The following MSL2 variants were observed in gnomAD, a reference collection of about 807,000 sequenced individuals.
MSL2 encodes the protein MSL complex subunit 2.
In MSL2, 2 loss-of-function variants were observed where a neutral mutation model predicts 35.8. The ratio of observed to expected loss-of-function variants is 0.06; its 90% CI spans 0.02 to 0.18. MSL2 has a LOEUF of 0.18. Ranked by LOEUF, MSL2 falls within the 10% of genes least tolerant of loss-of-function variation. The pLI is 1.00. For missense variants in MSL2, 523 were observed against 706.7 expected (o/e 0.74, Z 2.95); for synonymous variants, 296 against 255.7 (o/e 1.16, Z -1.50).
chr3:136,195,599 CGCGGAGGCG>C lies in MSL2; in HGVS notation c.-495_-487del, dbSNP rs1940816644. On this transcript the variant is annotated 5_prime_UTR_variant, in exon 1 of 2. Coordinates refer to ENST00000309993, the MANE Select transcript of MSL2 (RefSeq NM_018133.4). ...CCTCTTACTCCATCCCAGTACAGGG[CGCGGAGGCG>C]GCGGCGACGGCAAGGACGACGGTCG... 20 of 986,486 alleles carry C rather than the reference CGCGGAGGCG, an allele frequency of 2.0e-5. No homozygotes were observed. The highest frequency in any genetic ancestry group is 2.4e-5 in the Non-Finnish European group (20 of 830,736). 61.1% of individuals were successfully genotyped at this position (986,486 alleles called of 1,614,324 possible).
intron 1 of MSL2, among the ~76,000 whole-genome samples, chr3:136,156,787 G>A (rs1424190762): frequency 3.3e-5 from 5 of 152,258 alleles, no homozygotes; most frequent in South Asian, 2.1e-4. Context: ...CCCAGGAGGC[G>A]GAGCTTGCAG....
chr3:136,151,583 G>A lies in MSL2; in HGVS notation c.1298C>T (p.Ala433Val). The A allele has an allele frequency of 1.9e-6, 3 of 1,614,100 alleles. No homozygotes were observed. Among genetic ancestry groups the A allele is most frequent in the Non-Finnish European group, 2.5e-6 (3 of 1,180,008 alleles). ...TKPGILKKDK[A>V]VKEKIPSHHF... ...ATGACTAGGAATCTTTTCCTTTACT[G>A]CTTTGTCTTTTTTAAGAATACCTGG... is the stretch of plus-strand genomic sequence containing the variant. The change falls in exon 2 of 2, where the codon GCA becomes GTA. Residue 433 changes from alanine to valine, a missense_variant. Physicochemically the swap from Ala to Val is moderately conservative, Grantham distance 64. Around this residue, in one of 5 missense-constraint regions of MSL2, gnomAD observed 361 missense variants for 414.6 expected, o/e 0.87. Coordinates refer to ENST00000309993, the MANE Select transcript of MSL2 (RefSeq NM_018133.4). The surrounding 1 kb of genome is among the most constrained non-coding windows in gnomAD (Gnocchi z 5.2).
chr3:136,169,086 C>T (rs1179143354), intron 1 of MSL2, among the ~76,000 whole-genome samples: 2 of 151,874 alleles, frequency 1.3e-5, no homozygotes, highest in Non-Finnish European at 1.5e-5. Flanking sequence ...TGACAAGAGG[C>T]GCACTTTATC....
At chr3:136,182,422 A>G (rs1282279057) in intron 1 of MSL2, among the ~76,000 whole-genome samples, 7 of 152,230 alleles carry the variant, frequency 4.6e-5, no homozygotes, top group Non-Finnish European at 7.3e-5. Flanking sequence ...ATATTGACGA[A>G]CAGGCGGCAC....
intron 1 of MSL2, among the ~76,000 whole-genome samples, chr3:136,156,713 G>A (rs1939537412): frequency 6.6e-6 from 1 of 152,126 alleles, no homozygotes; most frequent in African/African-American, 2.4e-5. Context: ...AAATTAGCCG[G>A]GCGTGGTGGC....
intron 1 of MSL2, among the ~76,000 whole-genome samples, chr3:136,160,218 G>C (rs1048663983): frequency 1.4e-5 from 2 of 145,414 alleles, no homozygotes; most frequent in South Asian, 4.6e-4. Flanking sequence ...AGAGGTTGCA[G>C]TGAGCCAAGA....
Position 136,185,350 on chromosome 3 carries a change from G to A in MSL2, c.142+9622C>T, listed in dbSNP as rs1438066956. Among the ~76,000 whole-genome samples, 3 of 149,690 alleles carry A rather than the reference G, an allele frequency of 2.0e-5. No individual in the cohort carries two copies. In the East Asian group the frequency reaches 5.9e-4, roughly 29 times the overall value. On this transcript the variant is annotated intron_variant, in intron 1 of 1. Coordinates refer to ENST00000309993, the MANE Select transcript of MSL2 (RefSeq NM_018133.4). ...AAATCAAATTCATAGCAAAAGTTAT[G>A]CTTTAATCCAACAACCTCATCTTAC... is the stretch of plus-strand genomic sequence containing the variant.
intron 1 of MSL2, among the ~76,000 whole-genome samples, chr3:136,154,666 A>ATTT (rs1939467005): frequency 1.3e-5 from 2 of 152,224 alleles, no homozygotes; most frequent in African/African-American, 4.8e-5. Context: ...AACTGAGAAA[A>ATTT]CATTTACCAA....
rs1940802285 is a variant in MSL2, at chr3:136,195,234, G to A, written c.-121C>T. 5 of 1,504,082 alleles carry A rather than the reference G, an allele frequency of 3.3e-6. No homozygotes were observed. The highest frequency in any genetic ancestry group is 2.8e-5 in the African/African-American group (2 of 71,070). 93.2% of individuals were successfully genotyped at this position (1,504,082 alleles called of 1,614,324 possible). On this transcript the variant is annotated 5_prime_UTR_variant, in exon 1 of 2. An upstream open reading frame in the 5' UTR gains an earlier in-frame stop. Transcript: ENST00000309993. ...CGGAAGAAATCAGAGCCGAACCATTGGCCAAACAAGTAACCAAAATCCGTG... is the reference window on the plus strand; with the variant it reads ...CGGAAGAAATCAGAGCCGAACCATTAGCCAAACAAGTAACCAAAATCCGTG...
chr3:136,165,953 T>G (rs1414921982), intron 1 of MSL2, among the ~76,000 whole-genome samples: 1 of 148,310 alleles, frequency 6.7e-6, no homozygotes, highest in East Asian at 1.9e-4. Context: ...CATGATGTCA[T>G]GATTATGCAT....
chr3:136,158,917 C>T (rs761853476), intron 1 of MSL2, among the ~76,000 whole-genome samples: 1 of 152,170 alleles, frequency 6.6e-6, no homozygotes, highest in African/African-American at 2.4e-5. Flanking sequence ...GACTTCTACA[C>T]TCAGCACTAC....
intron 1 of MSL2, chr3:136,155,803 C>A: frequency 1.7e-6 from 1 of 572,866 alleles, no homozygotes; most frequent in Non-Finnish European, 3.5e-6. Flanking sequence ...TGCCCCGTGA[C>A]ACCCGGCTGC....
chr3:136,164,524 A>G (rs575103091), intron 1 of MSL2, among the ~76,000 whole-genome samples: 2 of 152,348 alleles, frequency 1.3e-5, no homozygotes, highest in East Asian at 3.9e-4. Flanking sequence ...TTCTCTATAC[A>G]CTTCACAATG....
At chr3:136,168,686 A>G (rs1939921491) in intron 1 of MSL2, among the ~76,000 whole-genome samples, 1 of 152,044 alleles carries the variant, frequency 6.6e-6, no homozygotes, top group Non-Finnish European at 1.5e-5. Flanking sequence ...GCAAACCACC[A>G]TGGCACGTGT....
chr3:136,169,404 G>C (rs920674315), intron 1 of MSL2, among the ~76,000 whole-genome samples: 1 of 152,062 alleles, frequency 6.6e-6, no homozygotes, highest in Non-Finnish European at 1.5e-5. Context: ...CTTGTGTTGG[G>C]AACATTCCAA....
intron 1 of MSL2, among the ~76,000 whole-genome samples, chr3:136,193,693 A>T (rs1473318178): frequency 2.0e-5 from 3 of 152,096 alleles, no homozygotes; most frequent in African/African-American, 7.2e-5. Flanking sequence ...AAGGAAACTG[A>T]ATCTAGCCGA....
chr3:136,169,345 T>C (rs1489458613), intron 1 of MSL2, among the ~76,000 whole-genome samples: 1 of 146,618 alleles, frequency 6.8e-6, no homozygotes, highest in East Asian at 2.2e-4. Flanking sequence ...CCTGTAACAA[T>C]CAAATGAGGC....
rs1939382711 is a variant in MSL2 at position 136,151,868 on chromosome 3, A to G, written c.1013T>C (p.Leu338Ser). Residue 338 changes from leucine to serine, a missense_variant, in exon 2 of 2, where the codon TTG (leucine) becomes TCG (serine). Transcript: ENST00000309993. The surrounding 1 kb of genome is among the most constrained non-coding windows in gnomAD (Gnocchi z 5.2). The part of the protein sequence containing the change: ...CTAATPKIAK[L>S]NRKRSRSESD... The stretch of plus-strand genomic sequence containing the variant: ...CTCTGATCTGGATCGTTTTCTATTC[A>G]ATTTTGCTATCTTCGGAGTTGCTGC... 3 of 1,614,020 alleles carry G rather than the reference A, an allele frequency of 1.9e-6. No homozygotes were observed. The highest frequency in any genetic ancestry group is 2.5e-6 in the Non-Finnish European group (3 of 1,180,022).
chr3:136,153,001 C>T, intron 1 of MSL2: 1 of 985,408 alleles, frequency 1.0e-6, no homozygotes, highest in Non-Finnish European at 1.2e-6. Context: ...CGTTCTGGTC[C>T]ACCTTCTTAT....
Sources: gnomAD v4.1 joint callset for allele counts (sites outside exome capture counted in the v4.1 genomes callset) on GRCh38, gnomAD v4.1.1 for gene constraint, gnomAD v4.1.1 regional missense constraint, Gnocchi (gnomAD v3.1) non-coding constraint, MANE v1.5 for transcripts, NCBI Gene and HGNC (gene_info 2026-07-23, HGNC 2026-07-21) for gene names.